Variants in RGSL1 observed in about 807,000 individuals in gnomAD.
RGSL1 encodes regulator of G protein signaling protein-like.
RGSL1 carries 97 observed loss-of-function variants against 124.7 expected under a neutral mutation model. That is an observed-to-expected ratio of 0.78 (90% CI 0.66 to 0.92). RGSL1 has a LOEUF of 0.92. RGSL1 is among the 40% of genes least tolerant of loss of function. The probability of loss-of-function intolerance (pLI) is 0.00; values close to 1 mark genes in which losing one functional copy is unlikely to be tolerated. For synonymous variants in RGSL1, 424 were observed against 438.1 expected, an observed-to-expected ratio of 0.97 and a Z score of 0.40; for missense variants, 1,233 against 1,288.4, an observed-to-expected ratio of 0.96 and a Z score of 0.66.
At chr1:182,463,386 C>G (rs1269245549) in intron 4 of RGSL1, among the ~76,000 whole-genome samples, 1 of 150,774 alleles carries the variant, frequency 6.6e-6, no homozygotes, top group Non-Finnish European at 1.5e-5. Flanking sequence ...AATTTTAAAG[C>G]AAGATCCAAT....
chr1:182,451,951 A>T (rs1414869007), intron 1 of RGSL1, among the ~76,000 whole-genome samples: 1 of 152,000 alleles, frequency 6.6e-6, no homozygotes, highest in East Asian at 1.9e-4. Context: ...CCCCCATTGC[A>T]TGTAGGGACA....
At chr1:182,532,588 T>C (rs1275066317) in intron 13 of RGSL1, 74 bp from the exon 14 acceptor site, 2 of 1,447,810 alleles carry the variant, frequency 1.4e-6, no homozygotes, top group East Asian at 5.1e-5. Flanking sequence ...AATACCAAGT[T>C]TTGGCACACA....
At chr1:182,498,566 C>T (rs1326299166) in intron 9 of RGSL1, among the ~76,000 whole-genome samples, 9 of 152,214 alleles carry the variant, frequency 5.9e-5, no homozygotes, top group Admixed American at 3.9e-4. Flanking sequence ...TTGATTTCTG[C>T]CTCAATTTTA....
intron 6 of RGSL1, among the ~76,000 whole-genome samples, chr1:182,483,846 G>T (rs895871863): frequency 6.6e-6 from 1 of 152,034 alleles, no homozygotes; most frequent in Non-Finnish European, 1.5e-5. Context: ...CAAGCCCCGG[G>T]GTTCGGTTGT....
At chr1:182,552,873 T>A (rs138433819) in intron 18 of RGSL1, among the ~76,000 whole-genome samples, 123 of 152,308 alleles carry the variant, frequency 8.1e-4, no homozygotes, top group African/African-American at 2.8e-3. Flanking sequence ...AATCCATTCA[T>A]GAGGGCAGAC....
At chr1:182,497,168 C>A (rs991191343) in intron 9 of RGSL1, among the ~76,000 whole-genome samples, 42 of 151,744 alleles carry the variant, frequency 2.8e-4, no homozygotes, top group Middle Eastern at 3.4e-3. Flanking sequence ...TGCTGTCCAT[C>A]CTACATCAAT....
At position 182,472,450 on chromosome 1, in the gene RGSL1, A is replaced by C. The variant is rs1571509373; in HGVS notation, c.356A>C (p.Glu119Ala). The change falls in exon 5 of 22, where the codon GAG becomes GCG. Residue 119 changes from glutamate to alanine, a missense_variant. Coordinates refer to ENST00000294854, the MANE Select transcript of RGSL1 (RefSeq NM_001137669.2). ...ILAENILSID[E>A]MDLEVRDYYL... The stretch of plus-strand genomic sequence containing the variant: ...GCTGAGAACATCCTGAGCATAGATG[A>C]GATGGACCTGGAAGTGAGAGACTAC... The C allele has an allele frequency of 6.4e-7, 1 of 1,551,048 alleles. No individual in the cohort carries two copies. Among genetic ancestry groups the C allele is most frequent in the Non-Finnish European group, 8.7e-7 (1 of 1,146,668 alleles).
chr1:182,508,222 T>G (rs1656974506), intron 9 of RGSL1, among the ~76,000 whole-genome samples: 1 of 151,670 alleles, frequency 6.6e-6, no homozygotes, highest in African/African-American at 2.4e-5. Context: ...AAAGCCATTT[T>G]AACTAGGACG....
Position 182,474,173 on chromosome 1 carries a change from G to T in RGSL1, c.1062G>T (p.Lys354Asn), listed in dbSNP as rs147419839. ...TCCCCATTGTCAATCACTCCTCCAA[G>T]ATGACAATTCAGAAGGCCATCAAGC... ...TVIPIVNHSS[K>N]MTIQKAIKQS... The change falls in exon 6 of 22, where the codon AAG becomes AAT. Residue 354 changes from lysine (K) to asparagine (N), a missense_variant. Coordinates refer to ENST00000294854, the MANE Select transcript of RGSL1 (RefSeq NM_001137669.2). 91 of 1,552,084 alleles carry T rather than the reference G, an allele frequency of 5.9e-5. No homozygotes were observed. The East Asian group carries it at 1.9e-3, about 32-fold the overall frequency.
At chr1:182,545,220 T>G (rs184644410) in intron 15 of RGSL1, among the ~76,000 whole-genome samples, 1 of 152,300 alleles carries the variant, frequency 6.6e-6, no homozygotes, top group East Asian at 1.9e-4. Flanking sequence ...AACAAATTAT[T>G]TTAAAGAGAT....
rs1373931708 is a variant in RGSL1, at chr1:182,530,799, T to C, written c.2253T>C (p.Asp751=). 1.3e-6 allele frequency: 2 copies of C among 1,538,506 alleles called. No individual in the cohort carries two copies. The highest frequency in any genetic ancestry group is 2.5e-5 in the East Asian group (1 of 40,610). The change falls in exon 13 of 22, where the codon GAT becomes GAC. Residue 751 remains aspartate (D), a synonymous_variant. Coordinates refer to ENST00000294854, the MANE Select transcript of RGSL1 (RefSeq NM_001137669.2). ...MKSIEEKWFK[D]YQDLFPPHHQ... ...GATGTCCTTCTGACAGGTTTAAAGA[T>C]TATCAAGACCTGTTCCCACCTCACC...
intron 4 of RGSL1, among the ~76,000 whole-genome samples, chr1:182,465,570 C>A (rs1485325813): frequency 6.6e-6 from 1 of 151,868 alleles, no homozygotes; most frequent in Non-Finnish European, 1.5e-5. Flanking sequence ...GTGTAACAAA[C>A]CTGCACATTG....
At chr1:182,499,590 T>C (rs1224707666) in intron 9 of RGSL1, among the ~76,000 whole-genome samples, 1 of 152,204 alleles carries the variant, frequency 6.6e-6, no homozygotes, top group Non-Finnish European at 1.5e-5. Flanking sequence ...GATGAATCTC[T>C]TGAAGATAGT....
chr1:182,513,080 T>C (rs2102204976), intron 9 of RGSL1, among the ~76,000 whole-genome samples: 1 of 152,332 alleles, frequency 6.6e-6, no homozygotes, highest in Non-Finnish European at 1.5e-5. Flanking sequence ...GGGTTGTAGG[T>C]TTCCAGGCCT....
chr1:182,450,508 ATAT>A, intron 1 of RGSL1: 1 of 365,666 alleles, frequency 2.7e-6, no homozygotes, highest in Admixed American at 3.7e-5. Context: ...TGCCAAGTCA[ATAT>A]TATTATGGCG....
At chr1:182,477,899 G>A (rs548720192) in intron 6 of RGSL1, among the ~76,000 whole-genome samples, 5 of 152,156 alleles carry the variant, frequency 3.3e-5, no homozygotes, top group Admixed American at 6.5e-5. Context: ...ACACACCAAT[G>A]CAAGGATACA....
chr1:182,459,401 C>T (rs1007069851), intron 3 of RGSL1, among the ~76,000 whole-genome samples: 2 of 152,106 alleles, frequency 1.3e-5, no homozygotes, highest in African/African-American at 2.4e-5. Context: ...AACAAGGTTT[C>T]GCTTTCCCTG....
intron 14 of RGSL1, among the ~76,000 whole-genome samples, chr1:182,535,610 A>G (rs138530547): frequency 1.0e-3 from 152 of 152,274 alleles, no homozygotes; most frequent in African/African-American, 3.5e-3. Context: ...ATCGGCACCA[A>G]ATATGGCATA....
At chr1:182,456,862 C>T (rs747430462) in intron 2 of RGSL1, among the ~76,000 whole-genome samples, 5 of 152,038 alleles carry the variant, frequency 3.3e-5, no homozygotes, top group Non-Finnish European at 7.4e-5. Context: ...TTTTTACCAA[C>T]GGATCTCAGA....
Sources: allele counts gnomAD v4.1 joint callset (sites outside exome capture counted in the v4.1 genomes callset), GRCh38; gene constraint gnomAD v4.1.1; transcripts MANE v1.5; gene names NCBI Gene and HGNC (gene_info 2026-07-23, HGNC 2026-07-21).